Variants in CNTN1 observed in about 807,000 individuals in gnomAD.
CNTN1 encodes the protein contactin-1.
Under a neutral mutation model 126.4 loss-of-function variants are expected in CNTN1, and 38 were observed. That is an observed-to-expected ratio of 0.30 (90% CI 0.23 to 0.39). The LOEUF (loss-of-function observed/expected upper bound fraction) is 0.39, where lower values mean the gene tolerates loss of function less well. Ranked by LOEUF, CNTN1 falls within the 10% of genes least tolerant of loss-of-function variation. CNTN1 has a pLI of 1.00. For synonymous variants in CNTN1, 413 were observed against 422.6 expected, an observed-to-expected ratio of 0.98 and a Z score of 0.28; for missense variants, 1,009 against 1,248.4, an observed-to-expected ratio of 0.81 and a Z score of 2.89.
At position 40,914,098 on chromosome 12, in the gene CNTN1, A is replaced by G. The variant is rs76588918; in HGVS notation, c.94+3993A>G. ...TTTAGTTTTTAAAAACACAATCTCT[A>G]TCTGTGGTTTGTTTCTTATGCCTTT... On this transcript the variant is annotated intron_variant, in intron 3 of 23. Coordinates refer to ENST00000551295, the MANE Select transcript of CNTN1 (RefSeq NM_001843.4). 1.3e-3 allele frequency among the ~76,000 whole-genome samples: 198 copies of G among 152,272 alleles called. 2 individuals carry two copies. In the East Asian group the frequency reaches 0.019, roughly 14 times the overall value.
At chr12:40,829,523 T>C (rs549191606) in intron 1 of CNTN1, among the ~76,000 whole-genome samples, 4 of 152,078 alleles carry the variant, frequency 2.6e-5, no homozygotes, top group Non-Finnish European at 5.9e-5. Context: ...GAAAGAAATT[T>C]AGAGTAATGA....
At chr12:40,731,053 C>T (rs150622437) in intron 1 of CNTN1, among the ~76,000 whole-genome samples, 1 of 151,788 alleles carries the variant, frequency 6.6e-6, no homozygotes, top group East Asian at 1.9e-4. Context: ...AAAATATATA[C>T]TTGAGGAGAG....
intron 1 of CNTN1, among the ~76,000 whole-genome samples, chr12:40,875,467 T>G (rs1005295347): frequency 1.3e-5 from 2 of 152,078 alleles, no homozygotes; most frequent in African/African-American, 4.8e-5. Flanking sequence ...TGTAATTTTG[T>G]CATTTCAGGA....
intron 1 of CNTN1, among the ~76,000 whole-genome samples, chr12:40,830,960 TATAC>T (rs1157489472): frequency 2.3e-4 from 28 of 120,940 alleles, no homozygotes; most frequent in African/African-American, 4.8e-4. Flanking sequence ...TATATATATA[TATAC>T]ACACACACAC....
At chr12:40,939,161 A>G (rs1946179176) in intron 11 of CNTN1, among the ~76,000 whole-genome samples, 174 bp from the exon 12 acceptor site, 3 of 152,180 alleles carry the variant, frequency 2.0e-5, no homozygotes, top group Admixed American at 2.0e-4. Context: ...AAAGTTATTA[A>G]ATAAAAGTTA....
At chr12:40,991,419 T>C (rs1002710494) in intron 16 of CNTN1, among the ~76,000 whole-genome samples, 2 of 152,054 alleles carry the variant, frequency 1.3e-5, no homozygotes, top group Non-Finnish European at 2.9e-5. Context: ...TAAGATAACA[T>C]TTACAGGTTC....
At chr12:40,782,845 G>A (rs7960628) in intron 1 of CNTN1, among the ~76,000 whole-genome samples, 145,806 of 151,988 alleles carry the variant, frequency 0.96, 70,209 homozygotes, top group East Asian at 1. Context: ...ATGACGAATT[G>A]TCTAGTTTTT....
chr12:40,710,834 A>G (rs1941894547), intron 1 of CNTN1, among the ~76,000 whole-genome samples: 1 of 152,178 alleles, frequency 6.6e-6, no homozygotes, highest in Non-Finnish European at 1.5e-5. Flanking sequence ...TCTTGCAAAT[A>G]TACAGGTAGA....
intron 6 of CNTN1, among the ~76,000 whole-genome samples, chr12:40,926,648 A>G (rs1051859035): frequency 1.3e-5 from 2 of 152,050 alleles, no homozygotes; most frequent in African/African-American, 4.8e-5. Context: ...GGTGGAAACA[A>G]GAGATCTGTT....
At position 41,027,875 on chromosome 12, in the gene CNTN1, G is replaced by A. The variant is rs143121881; in HGVS notation, c.2729G>A (p.Arg910Lys). 1.9e-6 allele frequency: 3 copies of A among 1,613,352 alleles called. No homozygotes were observed. Among genetic ancestry groups the A allele is most frequent in the Non-Finnish European group, 2.5e-6 (3 of 1,179,400 alleles). The change falls in exon 22 of 24, where the codon AGG becomes AAG. Residue 910 changes from arginine to lysine, a missense_variant. Transcript: ENST00000551295. Reference protein sequence around the residue: ...TKKAPPSQPPRIISSVRSGSR... With the variant: ...TKKAPPSQPPKIISSVRSGSR... Reference sequence around the variant, plus strand: ...TTCACAGCTCCTAGCCAGCCTCCAAGGATCATCAGTTCAGTAAGGTCTGGT... The same window carrying A: ...TTCACAGCTCCTAGCCAGCCTCCAAAGATCATCAGTTCAGTAAGGTCTGGT...
At chr12:41,062,784 A>T (rs1949962967) in intron 23 of CNTN1, among the ~76,000 whole-genome samples, 1 of 152,224 alleles carries the variant, frequency 6.6e-6, no homozygotes, top group Non-Finnish European at 1.5e-5. Flanking sequence ...AAAGTAAAAC[A>T]TACCTCTTCT....
Position 40,911,436 on chromosome 12 carries a change from C to T in CNTN1, c.94+1331C>T, listed in dbSNP as rs571398984. 5.9e-5 allele frequency among the ~76,000 whole-genome samples: 9 copies of T among 152,260 alleles called. No individual in the cohort carries two copies. The East Asian group carries it at 1.7e-3, about 29-fold the overall frequency. On this transcript the variant is annotated intron_variant, in intron 3 of 23. Transcript: ENST00000551295. ...AAGAAAAATGGGGAAGAAGCAACAG[C>T]GGAAACCCCTGATAAACCCATCAGG...
At chr12:40,872,174 G>A (rs1459511901) in intron 1 of CNTN1, among the ~76,000 whole-genome samples, 1 of 151,092 alleles carries the variant, frequency 6.6e-6, no homozygotes, top group Non-Finnish European at 1.5e-5. Context: ...CAGACCTTGA[G>A]CTTAAGAGAT....
At chr12:40,981,161 C>A in intron 16 of CNTN1, 94 bp downstream of exon 16, 1 of 1,252,382 alleles carries the variant, frequency 8.0e-7, no homozygotes, top group Non-Finnish European at 1.2e-6. Context: ...ATGTCATTAT[C>A]TACCTTGAAA....
intron 17 of CNTN1, among the ~76,000 whole-genome samples, chr12:41,002,839 G>T (rs1163430072): frequency 6.6e-6 from 1 of 152,176 alleles, no homozygotes; most frequent in African/African-American, 2.4e-5. Flanking sequence ...TTACAGGCAT[G>T]AGCTGCTGCA....
chr12:40,866,371 C>T (rs914680262), intron 1 of CNTN1, among the ~76,000 whole-genome samples: 3 of 152,072 alleles, frequency 2.0e-5, no homozygotes, highest in African/African-American at 4.8e-5. Context: ...GTGAAAGAGA[C>T]ATCTTTGTCT....
At chr12:40,789,958 T>A (rs918274552) in intron 1 of CNTN1, among the ~76,000 whole-genome samples, 1 of 152,170 alleles carries the variant, frequency 6.6e-6, no homozygotes, top group African/African-American at 2.4e-5. Context: ...TGATATCTGC[T>A]AACTTAACAT....
chr12:40,866,457 C>T (rs1028669777), intron 1 of CNTN1, among the ~76,000 whole-genome samples: 1 of 152,074 alleles, frequency 6.6e-6, no homozygotes, highest in African/African-American at 2.4e-5. Flanking sequence ...TGTGTTGATG[C>T]TCTTTATCAA....
chr12:40,703,868 T>C (rs1591989969), intron 1 of CNTN1, among the ~76,000 whole-genome samples: 1 of 152,066 alleles, frequency 6.6e-6, no homozygotes, highest in South Asian at 2.1e-4. Context: ...AGAGATACAG[T>C]AATGATTAAG....
Sources: allele counts gnomAD v4.1 joint callset (sites outside exome capture counted in the v4.1 genomes callset), GRCh38; gene constraint gnomAD v4.1.1; transcripts MANE v1.5; gene names NCBI Gene and HGNC (gene_info 2026-07-23, HGNC 2026-07-21).